Variants in MPDZ observed in about 807,000 individuals in gnomAD.
MPDZ encodes the protein multiple PDZ domain protein.
Under a neutral mutation model 239.1 loss-of-function variants are expected in MPDZ, and 234 were observed. The observed-to-expected ratio is 0.98, with a 90% CI of 0.88 to 1.09. The LOEUF (loss-of-function observed/expected upper bound fraction) is 1.09. MPDZ is among the 50% of genes least tolerant of loss of function. The pLI is 0.00. For synonymous variants in MPDZ, 1,048 were observed against 881.3 expected (o/e 1.19, Z -3.35); for missense variants, 3,175 against 2,510.0 (o/e 1.26, Z -5.66).
At chr9:13,119,244 C>T (rs1943966276) in intron 39 of MPDZ, among the ~76,000 whole-genome samples, 1 of 152,096 alleles carries the variant, frequency 6.6e-6, no homozygotes, top group African/African-American at 2.4e-5. Flanking sequence ...CAACCATGCC[C>T]AACTAATTTT....
chr9:13,192,514 T>C (rs1323703806), intron 14 of MPDZ, among the ~76,000 whole-genome samples: 1 of 152,090 alleles, frequency 6.6e-6, no homozygotes, highest in African/African-American at 2.4e-5. Flanking sequence ...GAAAAACCAC[T>C]AGCTTTCATC....
At chr9:13,108,270 G>A (rs1469051108) in intron 46 of MPDZ, among the ~76,000 whole-genome samples, 2 of 151,844 alleles carry the variant, frequency 1.3e-5, no homozygotes, top group East Asian at 1.9e-4. Context: ...ATAATTACAT[G>A]GGTTTAAATT....
chr9:13,247,325 G>A (rs975262375), intron 3 of MPDZ, among the ~76,000 whole-genome samples: 30 of 152,136 alleles, frequency 2.0e-4, no homozygotes, highest in African/African-American at 7.0e-4. Context: ...CAGTGATGAT[G>A]GAAACTAAGT....
intron 10 of MPDZ, among the ~76,000 whole-genome samples, chr9:13,208,338 G>A (rs1957222695): frequency 1.3e-5 from 2 of 151,940 alleles, no homozygotes; most frequent in Admixed American, 6.6e-5. Flanking sequence ...CATCTACTCA[G>A]GAGGCTGAGT....
In MPDZ at chr9:13,115,303, C is replaced by A; in HGVS notation, c.5411G>T (p.Gly1804Val). Residue 1804 changes from glycine to valine, a missense_variant, in exon 40 of 47, where the codon GGA becomes GTA. Transcript: ENST00000319217. ...ATGGAATGGACCAGCTTTGATTCTT[C>A]CAACTTCCAAGGTTACTGTGCCTAG... ...CSLGTVTLEV[G>V]RIKAGPFHSE... 1 of 1,612,748 alleles carries A rather than the reference C, an allele frequency of 6.2e-7. No individual in the cohort carries two copies. Among genetic ancestry groups the A allele is most frequent in the South Asian group, 1.1e-5 (1 of 91,066 alleles).
rs1411511356 is a variant in MPDZ, at chr9:13,143,528, G to A, written c.3778C>T (p.Pro1260Ser). The A allele has an allele frequency of 2.5e-6, 4 of 1,613,050 alleles. No individual in the cohort carries two copies. The highest frequency in any genetic ancestry group is 3.4e-6 in the Non-Finnish European group (4 of 1,179,216). ...TTAGTGCTGCTGAAGTTGTACTTAG[G>A]GTAAAGGTTGTGCAGCAAGGAAGGC... ...PLPSLLHNLY[P>S]KYNFSSTNPF... The change falls in exon 27 of 47, where the codon CCT becomes TCT. Residue 1260 changes from proline to serine, a missense_variant. Physicochemically the swap from Pro to Ser is moderately conservative, Grantham distance 74. Transcript: ENST00000319217.
intron 3 of MPDZ, among the ~76,000 whole-genome samples, chr9:13,233,841 G>C (rs533022062): frequency 2.0e-5 from 3 of 152,224 alleles, no homozygotes; most frequent in African/African-American, 7.2e-5. Context: ...AATGAATGCA[G>C]AGCACAGGAA....
At chr9:13,219,149 A>G (rs1266042210) in intron 8 of MPDZ, among the ~76,000 whole-genome samples, 1 of 151,916 alleles carries the variant, frequency 6.6e-6, no homozygotes, top group Non-Finnish European at 1.5e-5. Flanking sequence ...CAAAACAAAA[A>G]CAAAAATACT....
rs1369078759 is a variant in MPDZ, at chr9:13,107,056, T to C, written c.6122A>G (p.Asn2041Ser). The change falls in exon 47 of 47, where the codon AAT becomes AGT. Residue 2041 changes from asparagine to serine, a missense_variant. Coordinates refer to ENST00000319217, the MANE Select transcript of MPDZ (RefSeq NM_001378778.1). ...LKRGDQIIAV[N>S]GQSLEGVTHE... ...GGTGACTCCTTCTAGACTCTGCCCATTGACAGCAATGATCTGATCGCCCCT... is the reference window on the plus strand; with the variant it reads ...GGTGACTCCTTCTAGACTCTGCCCACTGACAGCAATGATCTGATCGCCCCT... 9.9e-6 allele frequency: 16 copies of C among 1,608,908 alleles called. No individual in the cohort carries two copies. Among genetic ancestry groups the C allele is most frequent in the East Asian group, 6.7e-5 (3 of 44,842 alleles).
chr9:13,247,849 T>G (rs754591326), intron 2 of MPDZ, 48 bp from the exon 3 acceptor site: 4 of 1,531,080 alleles, frequency 2.6e-6, no homozygotes, highest in Non-Finnish European at 3.6e-6. Flanking sequence ...AAAGGACACA[T>G]GTCCAGCCTA....
At chr9:13,240,383 C>T (rs757769899) in intron 3 of MPDZ, among the ~76,000 whole-genome samples, 3 of 151,418 alleles carry the variant, frequency 2.0e-5, no homozygotes, top group African/African-American at 7.3e-5. Context: ...TACTGGTTTA[C>T]GTTAAAAAGA....
intron 4 of MPDZ, 51 bp from the exon 5 acceptor site, chr9:13,223,761 G>A (rs890611327): frequency 6.6e-7 from 1 of 1,524,700 alleles, no homozygotes; most frequent in African/African-American, 1.4e-5. Flanking sequence ...GCCATGCATG[G>A]TGGTTCACGC....
chr9:13,243,081 T>C (rs1035115556), intron 3 of MPDZ, among the ~76,000 whole-genome samples: 3 of 152,226 alleles, frequency 2.0e-5, no homozygotes, highest in African/African-American at 7.2e-5. Context: ...CCATTTTCCA[T>C]GCTGTTGCCT....
chr9:13,270,521 G>A (rs1377236106), intron 1 of MPDZ, among the ~76,000 whole-genome samples: 4 of 150,290 alleles, frequency 2.7e-5, no homozygotes, highest in Admixed American at 2.6e-4. Flanking sequence ...TATGATAAAA[G>A]ACATGGGTAA....
At chr9:13,261,529 C>A (rs1970690567) in intron 1 of MPDZ, among the ~76,000 whole-genome samples, 2 of 152,006 alleles carry the variant, frequency 1.3e-5, no homozygotes, top group South Asian at 4.2e-4. Flanking sequence ...CACTGTACTT[C>A]TAATAAACAT....
chr9:13,231,625 C>G (rs1205568302), intron 3 of MPDZ, among the ~76,000 whole-genome samples: 1 of 151,656 alleles, frequency 6.6e-6, no homozygotes, highest in Non-Finnish European at 1.5e-5. Flanking sequence ...ATCCCCCCTC[C>G]CCGCAAAAAT....
chr9:13,140,979 C>T (rs547241592), intron 27 of MPDZ: 9 of 152,020 alleles, frequency 5.9e-5, no homozygotes, highest in African/African-American at 2.2e-4. Flanking sequence ...TTAAGGACAA[C>T]ACCAGCTTTC....
At chr9:13,147,067 T>C (rs1230729690) in intron 26 of MPDZ, among the ~76,000 whole-genome samples, 1 of 151,938 alleles carries the variant, frequency 6.6e-6, no homozygotes, top group East Asian at 1.9e-4. Context: ...CCTGAGCAAA[T>C]TTAACGTTCA....
chr9:13,139,953 T>G (rs374878616), intron 28 of MPDZ, 34 bp downstream of exon 28: 2 of 1,612,738 alleles, frequency 1.2e-6, no homozygotes, highest in Admixed American at 3.3e-5. Flanking sequence ...TTAATACCTC[T>G]TACAATTAAA....
Sources: gnomAD v4.1 joint callset for allele counts (sites outside exome capture counted in the v4.1 genomes callset) on GRCh38, gnomAD v4.1.1 for gene constraint, MANE v1.5 for transcripts, NCBI Gene and HGNC (gene_info 2026-07-23, HGNC 2026-07-21) for gene names.